The following CFAP70 variants were observed in gnomAD, a reference collection of about 807,000 sequenced individuals.
CFAP70 encodes the protein cilia and flagella associated protein 70.
In CFAP70, 81 loss-of-function variants were observed where a neutral mutation model predicts 137.6. The ratio of observed to expected loss-of-function variants is 0.59; its 90% CI spans 0.49 to 0.71. CFAP70 has a LOEUF of 0.71. Among genes scored for constraint, CFAP70 ranks in the 30% least tolerant of loss-of-function variants. The pLI is 0.00. For missense variants in CFAP70, 976 were observed against 1,226.7 expected (o/e 0.80, Z 3.05); for synonymous variants, 382 against 423.6 (o/e 0.90, Z 1.20).
intron 25 of CFAP70, among the ~76,000 whole-genome samples, chr10:73,258,882 T>G (rs963998499): frequency 2.0e-5 from 3 of 152,214 alleles, no homozygotes; most frequent in African/African-American, 7.2e-5. Flanking sequence ...ACCAGTTGTC[T>G]GCTCTCAAAC....
chr10:73,313,561 G>T (rs2050105958), intron 9 of CFAP70, among the ~76,000 whole-genome samples: 2 of 140,160 alleles, frequency 1.4e-5, no homozygotes, highest in Admixed American at 7.1e-5. Context: ...AAAAAAAAAA[G>T]GCCAGGTGCG....
rs1189280608 is a variant in CFAP70, at chr10:73,311,934, C to T, written c.1084-20G>A. 3.1e-6 allele frequency: 5 copies of T among 1,593,292 alleles called. No individual in the cohort carries two copies. Among genetic ancestry groups the T allele is most frequent in the African/African-American group, 1.3e-5 (1 of 74,398 alleles). ...TGCCTGCTGAAAGAAAATGAACACA[C>T]CTCAAAAATTGAATTCCTACACAGT... On this transcript the variant is annotated intron_variant, in intron 10 of 26. Coordinates refer to ENST00000310715, the Ensembl canonical transcript of CFAP70.
chr10:73,275,526 G>A lies in CFAP70; in HGVS notation c.2593C>T (p.Leu865=), dbSNP rs1180890790. 1.2e-6 allele frequency: 2 copies of A among 1,611,750 alleles called. No individual in the cohort carries two copies. The highest frequency in any genetic ancestry group is 3.4e-5 in the Admixed American group (2 of 59,674). ...TTCTTAAGAATGTGTGTTTGGGCCA[G>A]CACCAAGTAATATTCACAGCTGGGG... The change falls in exon 22 of 27, where the codon CTG becomes TTG. Residue 865 remains leucine, a synonymous_variant. Coordinates refer to ENST00000310715, the Ensembl canonical transcript of CFAP70. The surrounding 1 kb of genome is among the most constrained non-coding windows in gnomAD (Gnocchi z 4.0).
intron 25 of CFAP70, among the ~76,000 whole-genome samples, chr10:73,267,533 CTT>C (rs1219097684): frequency 6.6e-6 from 1 of 152,170 alleles, no homozygotes; most frequent in Non-Finnish European, 1.5e-5. Context: ...GACTCCGTCT[CTT>C]GATGGGAGTG....
chr10:73,260,622 T>C (rs1431629334), intron 25 of CFAP70, among the ~76,000 whole-genome samples: 1 of 152,242 alleles, frequency 6.6e-6, no homozygotes, highest in Non-Finnish European at 1.5e-5. Flanking sequence ...AGTTCTTTCA[T>C]GCCTGTTTGC....
At chr10:73,320,318 A>AT (rs751194252) in intron 9 of CFAP70, among the ~76,000 whole-genome samples, 4 of 151,104 alleles carry the variant, frequency 2.6e-5, no homozygotes, top group Non-Finnish European at 5.9e-5. Context: ...CTTTTCTCTC[A>AT]TTTTTTTTAT....
chr10:73,281,631 A>G (rs1047267300), intron 19 of CFAP70, among the ~76,000 whole-genome samples: 12 of 152,102 alleles, frequency 7.9e-5, no homozygotes, highest in African/African-American at 2.9e-4. Context: ...GTCATTGAAT[A>G]TAGAGTTTCA....
intron 19 of CFAP70, among the ~76,000 whole-genome samples, chr10:73,280,062 C>A (rs2047149174): frequency 6.6e-6 from 1 of 152,160 alleles, no homozygotes; most frequent in Non-Finnish European, 1.5e-5. Flanking sequence ...TTAATTTTAG[C>A]TATCCCGGTG....
intron 12 of CFAP70, 145 bp from the exon 14 acceptor site, chr10:73,299,810 C>G (rs1355294626): frequency 5.3e-6 from 3 of 568,408 alleles, no homozygotes; most frequent in Non-Finnish European, 9.0e-6. Context: ...CTGTGCTGTT[C>G]TCTCATGTAA....
At chr10:73,255,528 TG>T (rs1186652801) in intron 26 of CFAP70, among the ~76,000 whole-genome samples, 6 of 152,316 alleles carry the variant, frequency 3.9e-5, no homozygotes, top group Middle Eastern at 3.4e-3. Context: ...CACTCCAGCC[TG>T]GGCAACAGTG....
chr10:73,298,568 G>A (rs997610113), intron 14 of CFAP70, among the ~76,000 whole-genome samples: 1 of 152,164 alleles, frequency 6.6e-6, no homozygotes, highest in African/African-American at 2.4e-5. Context: ...CTTTTAGAGA[G>A]ATTTGAATGA....
chr10:73,293,140 G>T, intron 16 of CFAP70, 123 bp downstream of exon 17: 1 of 1,028,980 alleles, frequency 9.7e-7, no homozygotes, highest in Non-Finnish European at 1.3e-6. Context: ...CCTATTTTTG[G>T]ACTTTATTGT....
rs1323807359 is a variant in CFAP70 at position 73,311,701 on chromosome 10, C to A, written c.1164+133G>T. The A allele has an allele frequency of 3.8e-6, 3 of 782,064 alleles. No homozygotes were observed. The African/African-American group carries it at 5.3e-5, about 14-fold the overall frequency. 48.4% of individuals were successfully genotyped at this position (782,064 alleles called of 1,614,324 possible). On this transcript the variant is annotated intron_variant, in intron 11 of 26. Transcript: ENST00000310715. The stretch of plus-strand genomic sequence containing the variant: ...CAAGACAAAGAAATTTGCCCAAAGT[C>A]ATAGACAACTAGTCATGGGCAAATA...
At chr10:73,262,276 C>T (rs1001797148) in intron 25 of CFAP70, among the ~76,000 whole-genome samples, 5 of 151,934 alleles carry the variant, frequency 3.3e-5, no homozygotes, top group Non-Finnish European at 5.9e-5. Context: ...TGTGCCATCC[C>T]TCCCAGGATG....
intron 4 of CFAP70, 82 bp downstream of exon 4, chr10:73,348,341 T>C: frequency 3.3e-6 from 5 of 1,537,674 alleles, no homozygotes; most frequent in Non-Finnish European, 4.5e-6. Context: ...CTCAAATTCA[T>C]TGAGGCTAAT....
At chr10:73,297,786 T>A (rs922083708) in intron 14 of CFAP70, among the ~76,000 whole-genome samples, 1 of 152,242 alleles carries the variant, frequency 6.6e-6, no homozygotes, top group African/African-American at 2.4e-5. Flanking sequence ...TGCCAGGTTT[T>A]ATAATCCATG....
chr10:73,338,928 T>C (rs1318713885), intron 6 of CFAP70, among the ~76,000 whole-genome samples: 1 of 151,476 alleles, frequency 6.6e-6, no homozygotes, highest in Non-Finnish European at 1.5e-5. Flanking sequence ...TATACTTTTT[T>C]TTTTTTTTTG....
chr10:73,297,419 A>T (rs966834723), intron 14 of CFAP70, among the ~76,000 whole-genome samples: 4 of 152,198 alleles, frequency 2.6e-5, no homozygotes, highest in African/African-American at 9.7e-5. Flanking sequence ...TACTATATGA[A>T]GAGAATCATA....
intron 12 of CFAP70, among the ~76,000 whole-genome samples, chr10:73,300,095 T>C (rs1298825808): frequency 6.6e-6 from 1 of 152,182 alleles, no homozygotes; most frequent in Non-Finnish European, 1.5e-5. Context: ...ACCTCTTCTT[T>C]CCTCCCCGTC....
Sources: gnomAD v4.1 joint callset for allele counts (sites outside exome capture counted in the v4.1 genomes callset) on GRCh38, gnomAD v4.1.1 for gene constraint, Gnocchi (gnomAD v3.1) non-coding constraint, MANE v1.5 for transcripts, NCBI Gene and HGNC (gene_info 2026-07-23, HGNC 2026-07-21) for gene names.